Variants in MSI2 observed in about 807,000 individuals in gnomAD.
MSI2 encodes musashi RNA binding protein 2.
A neutral mutation model predicts 45.6 loss-of-function variants in MSI2; 17 were observed. The ratio of observed to expected loss-of-function variants is 0.37; its 90% CI spans 0.26 to 0.56. The LOEUF (loss-of-function observed/expected upper bound fraction) is 0.56. MSI2 is among the 20% of genes least tolerant of loss of function. MSI2 has a pLI of 0.77. For missense variants in MSI2, 293 were observed against 444.2 expected (o/e 0.66, Z 3.06); for synonymous variants, 156 against 158.2 (o/e 0.99, Z 0.11).
downstream of MSI2, among the ~76,000 whole-genome samples, chr17:57,687,369 A>G (rs78732777): frequency 0.016 from 2,446 of 152,180 alleles, 53 homozygotes; most frequent in African/African-American, 0.054. Context: ...CAAAGGCTGT[A>G]TTTTTATAAA....
intron 11 of MSI2, among the ~76,000 whole-genome samples, chr17:57,674,681 G>A (rs1284294722): frequency 1.3e-5 from 2 of 152,110 alleles, no homozygotes; most frequent in African/African-American, 2.4e-5. Flanking sequence ...AAGCACCTCC[G>A]GTTGGTTGCC....
intron 9 of MSI2, chr17:57,616,718 A>G (rs1245905811): frequency 6.6e-6 from 1 of 152,054 alleles, no homozygotes; most frequent in Non-Finnish European, 1.5e-5. Context: ...TGAGTTGCAT[A>G]TTATGTCCCT....
chr17:57,568,624 T>C (rs755303309), intron 7 of MSI2, among the ~76,000 whole-genome samples: 10 of 152,178 alleles, frequency 6.6e-5, no homozygotes, highest in Non-Finnish European at 1.3e-4. Context: ...ATCCCCTTCT[T>C]CCCTATTGAT....
In MSI2 at chr17:57,377,989, G is replaced by A. The variant is rs191664599; in HGVS notation, c.313-23390G>A. Among the ~76,000 whole-genome samples the A allele has an allele frequency of 1.1e-3, 172 of 151,940 alleles. 1 individual carries two copies. The highest frequency in any genetic ancestry group is 4.0e-3 in the African/African-American group (164 of 41,424). On this transcript the variant is annotated intron_variant, in intron 5 of 13. Coordinates refer to ENST00000284073, the MANE Select transcript of MSI2 (RefSeq NM_138962.4). ...ACTCGGGAGGCTGAGGCAGGAGAACGGCGTGAACCTGGGAGGCAGAGCTTG... is the reference window on the plus strand; with the variant it reads ...ACTCGGGAGGCTGAGGCAGGAGAACAGCGTGAACCTGGGAGGCAGAGCTTG...
At chr17:57,600,178 G>A (rs1905705728) in intron 8 of MSI2, among the ~76,000 whole-genome samples, 1 of 152,224 alleles carries the variant, frequency 6.6e-6, no homozygotes, top group African/African-American at 2.4e-5. Context: ...CTCAGAGACT[G>A]CCAAACAAGA....
At chr17:57,363,756 G>A (rs12944718) in intron 5 of MSI2, among the ~76,000 whole-genome samples, 4 of 148,934 alleles carry the variant, frequency 2.7e-5, no homozygotes, top group African/African-American at 1.0e-4. Context: ...AACAGCAGCA[G>A]CAACAACAAC....
intron 7 of MSI2, among the ~76,000 whole-genome samples, chr17:57,539,066 A>G (rs2086984067): frequency 6.6e-6 from 1 of 152,252 alleles, no homozygotes. Context: ...ATGTACATAC[A>G]TTAAAAACAT....
intron 6 of MSI2, chr17:57,450,017 T>G (rs928156889): frequency 6.6e-6 from 1 of 152,022 alleles, no homozygotes; most frequent in African/African-American, 2.4e-5. Flanking sequence ...AGAGTGAGAC[T>G]CCATCTCAAA....
intron 5 of MSI2, among the ~76,000 whole-genome samples, chr17:57,313,237 T>C (rs977308557): frequency 2.6e-5 from 4 of 152,126 alleles, no homozygotes; most frequent in African/African-American, 9.7e-5. Flanking sequence ...CAAATGTCTG[T>C]CCCTGTAGTA....
At chr17:57,630,940 C>T (rs1909310325) in intron 10 of MSI2, 1 of 152,288 alleles carries the variant, frequency 6.6e-6, no homozygotes, top group Admixed American at 6.5e-5. Context: ...GCAGCCCAGC[C>T]CTCTGCCCTC....
chr17:57,511,454 T>C (rs2086353578), intron 6 of MSI2, among the ~76,000 whole-genome samples: 1 of 152,186 alleles, frequency 6.6e-6, no homozygotes. Flanking sequence ...CATCTTTCCT[T>C]CCTGCGTGCC....
chr17:57,505,904 G>C (rs577088396), intron 6 of MSI2, among the ~76,000 whole-genome samples: 47 of 152,326 alleles, frequency 3.1e-4, no homozygotes, highest in Middle Eastern at 3.4e-3. Context: ...TGCAGGTAAA[G>C]CAGTTTTATT....
intron 6 of MSI2, among the ~76,000 whole-genome samples, chr17:57,450,464 G>A (rs865924206): frequency 6.9e-5 from 10 of 145,716 alleles, no homozygotes; most frequent in Admixed American, 1.4e-4. Flanking sequence ...ATCACTTGAG[G>A]CCAGGAGTTT....
intron 7 of MSI2, among the ~76,000 whole-genome samples, chr17:57,584,888 C>T (rs2088304160): frequency 1.3e-5 from 2 of 151,542 alleles, no homozygotes; most frequent in Admixed American, 1.3e-4. Context: ...TTGGCATGAT[C>T]GCGGCTCACT....
chr17:57,564,460 G>T lies in MSI2; in HGVS notation c.455-32408G>T, dbSNP rs115503820. ...CTGGGCCTCAGTGGGTCCAAGTGAG[G>T]TGGCCTGGAAACCACCAGTAAGCAC... On this transcript the variant is annotated intron_variant, in intron 7 of 13. Coordinates refer to ENST00000284073, the MANE Select transcript of MSI2 (RefSeq NM_138962.4). 2.3e-3 allele frequency among the ~76,000 whole-genome samples: 347 copies of T among 152,304 alleles called. 2 individuals carry two copies. The highest frequency in any genetic ancestry group is 8.3e-3 in the African/African-American group (343 of 41,556).
intron 11 of MSI2, among the ~76,000 whole-genome samples, chr17:57,665,034 A>G (rs1157603046): frequency 6.6e-6 from 1 of 152,242 alleles, no homozygotes; most frequent in African/African-American, 2.4e-5. Context: ...GTAAAGCTCC[A>G]TAACATCTTT....
At chr17:57,446,953 C>A (rs987846278) in intron 6 of MSI2, among the ~76,000 whole-genome samples, 2 of 152,214 alleles carry the variant, frequency 1.3e-5, no homozygotes. Flanking sequence ...CTCACATATG[C>A]TTTGATGCAA....
At chr17:57,450,322 A>AGAGAGAAAGAGAGAG (rs1567831014) in intron 6 of MSI2, 1 of 148,420 alleles carries the variant, frequency 6.7e-6, no homozygotes, top group African/African-American at 2.5e-5. Flanking sequence ...AAAGAAAGAA[A>AGAGAGAAAGAGAGAG]ACCTTTGTTA....
intron 6 of MSI2, among the ~76,000 whole-genome samples, chr17:57,483,205 T>C (rs927211246): frequency 3.3e-5 from 5 of 152,218 alleles, no homozygotes; most frequent in Non-Finnish European, 7.3e-5. Context: ...ACCATGCTAG[T>C]TGAGCTGTTC....
Sources: gnomAD v4.1 joint callset for allele counts (sites outside exome capture counted in the v4.1 genomes callset) on GRCh38, gnomAD v4.1.1 for gene constraint, MANE v1.5 for transcripts, NCBI Gene and HGNC (gene_info 2026-07-23, HGNC 2026-07-21) for gene names.